SCAI: variants seen among roughly 807,000 people sequenced by gnomAD.
SCAI encodes the protein suppressor of cancer cell invasion, also known as protein SCAI.
A neutral mutation model predicts 92.2 loss-of-function variants in SCAI; 24 were observed. The observed-to-expected ratio is 0.26, with a 90% confidence interval of 0.19 to 0.37. The LOEUF is 0.37. SCAI is among the 10% of genes least tolerant of loss of function. The pLI, the probability that SCAI is intolerant of heterozygous loss-of-function variation, is 1.00. For missense variants in SCAI, 450 were observed against 736.2 expected (o/e 0.61, Z 4.50); for synonymous variants, 261 against 258.6 (o/e 1.01, Z -0.09).
intron 2 of SCAI, among the ~76,000 whole-genome samples, chr9:125,061,713 C>A (rs1833771593): frequency 1.3e-5 from 2 of 152,018 alleles, no homozygotes; most frequent in Admixed American, 6.6e-5. Flanking sequence ...TGAGCTATAA[C>A]AGTGTCACTG....
rs369244868 is a variant in SCAI at position 125,007,868 on chromosome 9, C to T, written c.862-4298G>A. 1.7e-4 allele frequency among the ~76,000 whole-genome samples: 26 copies of T among 151,128 alleles called. No homozygotes were observed. In the South Asian group the frequency reaches 2.9e-3, roughly 17 times the overall value. ...TTTCTTTTTCTTTTTTTTTTTGAGACGGAGTCTCGCTCTGTCGCCCAGGCT... is the reference window on the plus strand; with the variant it reads ...TTTCTTTTTCTTTTTTTTTTTGAGATGGAGTCTCGCTCTGTCGCCCAGGCT... On this transcript the variant is annotated intron_variant, in intron 9 of 17. Transcript: ENST00000336505.
rs193121700 is a variant in SCAI at position 125,065,494 on chromosome 9, T to C, written c.99-9487A>G. 3.9e-5 allele frequency among the ~76,000 whole-genome samples: 6 copies of C among 152,136 alleles called. No homozygotes were observed. In the East Asian group the frequency reaches 1.2e-3, roughly 29 times the overall value. On this transcript the variant is annotated intron_variant, in intron 2 of 17. Transcript: ENST00000336505. ...CCAGGTGGTTTCACTGTCAAATTTATAAAAAACATCTAAAGAAGACAAAAG... is the reference window on the plus strand; with the variant it reads ...CCAGGTGGTTTCACTGTCAAATTTACAAAAAACATCTAAAGAAGACAAAAG...
chr9:124,971,521 G>T, intron 16 of SCAI, 51 bp from the exon 17 acceptor site: 1 of 1,475,280 alleles, frequency 6.8e-7, no homozygotes, highest in Non-Finnish European at 9.4e-7. Context: ...TGGAAATTAT[G>T]TTTCAAAGGG....
In SCAI at chr9:125,108,177, C is replaced by T. The variant is rs146047748; in HGVS notation, c.98+34456G>A. Among the ~76,000 whole-genome samples, 2,637 of 152,250 alleles carry T rather than the reference C, an allele frequency of 0.017. 52 individuals are homozygous for T. In the East Asian group the frequency reaches 0.21, roughly 12 times the overall value. ...GGAGTGCAGTGGCGTGATCTCAGCT[C>T]GCTACAACCTCCACCTCCCAGCCGC... is the stretch of plus-strand genomic sequence containing the variant. On this transcript the variant is annotated intron_variant, in intron 2 of 17. Coordinates refer to ENST00000336505, the MANE Select transcript of SCAI (RefSeq NM_001144877.3).
intron 9 of SCAI, among the ~76,000 whole-genome samples, chr9:125,013,130 G>A (rs202040159): frequency 8.4e-4 from 127 of 151,964 alleles, no homozygotes; most frequent in African/African-American, 2.7e-3. Context: ...CTAGAAAAGC[G>A]AGAGCAAACA....
intron 2 of SCAI, among the ~76,000 whole-genome samples, chr9:125,063,657 C>T (rs1016226248): frequency 5.3e-5 from 8 of 151,204 alleles, no homozygotes; most frequent in Admixed American, 6.6e-5. Context: ...TATTATCAGG[C>T]GACACTGACT....
chr9:125,026,430 T>G (rs1421567693), intron 6 of SCAI, among the ~76,000 whole-genome samples: 2 of 151,918 alleles, frequency 1.3e-5, no homozygotes, highest in East Asian at 3.9e-4. Context: ...AACAGACTAT[T>G]CCCTGGTCCT....
At chr9:125,012,701 T>C (rs943239594) in intron 9 of SCAI, among the ~76,000 whole-genome samples, 6 of 152,078 alleles carry the variant, frequency 3.9e-5, no homozygotes, top group African/African-American at 1.4e-4. Flanking sequence ...TACAGAACTC[T>C]CCACCCCAAA....
intron 2 of SCAI, among the ~76,000 whole-genome samples, chr9:125,062,827 C>T (rs1833796143): frequency 6.6e-6 from 1 of 151,430 alleles, no homozygotes; most frequent in African/African-American, 2.4e-5. Flanking sequence ...CAAGAACAGC[C>T]TGGCCAACAT....
rs908439335 is a variant in SCAI at position 125,108,317 on chromosome 9, TCTGCCCAG to T, written c.98+34308_98+34315del. On this transcript the variant is annotated intron_variant, in intron 2 of 17. Transcript: ENST00000336505. ...CATCATCTGGGATGTGAGGAGCCCC[TCTGCCCAG>T]CTGCCCAGTCTGGGAAGTGAGGAGC... Among the ~76,000 whole-genome samples, 4 of 149,810 alleles carry T rather than the reference TCTGCCCAG, an allele frequency of 2.7e-5. No individual in the cohort carries two copies. The South Asian group carries it at 6.3e-4, about 24-fold the overall frequency.
At chr9:124,968,918 C>T in intron 17 of SCAI, 1 of 418,108 alleles carries the variant, frequency 2.4e-6, no homozygotes, top group Non-Finnish European at 4.2e-6. Context: ...TAGGAAATCT[C>T]CAAAATTTTT....
chr9:125,069,441 C>A (rs1214221112), intron 2 of SCAI, among the ~76,000 whole-genome samples: 1 of 149,780 alleles, frequency 6.7e-6, no homozygotes, highest in East Asian at 2.0e-4. Context: ...CCTCAGCCTC[C>A]CGAGTAGCTG....
At chr9:125,026,310 G>A (rs979573642) in intron 6 of SCAI, among the ~76,000 whole-genome samples, 5 of 151,850 alleles carry the variant, frequency 3.3e-5, no homozygotes, top group African/African-American at 9.7e-5. Context: ...GGAAGTGGAG[G>A]TGGAGGTTGC....
chr9:124,957,235 T>C, intron 17 of SCAI, among the ~76,000 whole-genome samples: 1 of 152,138 alleles, frequency 6.6e-6, no homozygotes, highest in African/African-American at 2.4e-5. Flanking sequence ...TCAAGTGATC[T>C]GCCTGCCTCA....
chr9:125,103,241 T>G (rs779180224), intron 2 of SCAI, among the ~76,000 whole-genome samples: 4 of 152,168 alleles, frequency 2.6e-5, no homozygotes, highest in Non-Finnish European at 5.9e-5. Context: ...TTCACCTCAT[T>G]GATGGCTTTC....
intron 2 of SCAI, among the ~76,000 whole-genome samples, chr9:125,104,101 A>G (rs546024271): frequency 6.6e-6 from 1 of 152,358 alleles, no homozygotes; most frequent in South Asian, 2.1e-4. Context: ...ACAAGTAGAA[A>G]CAAACACTTA....
At position 125,143,414 on chromosome 9, in the gene SCAI, G is replaced by T. The variant is rs1487174738; in HGVS notation, c.24C>A (p.Pro8=). Residue 8 remains proline (P), a synonymous_variant, in exon 1 of 18, where the codon CCC becomes CCA. Coordinates refer to ENST00000336505, the MANE Select transcript of SCAI (RefSeq NM_001144877.3). The stretch of plus-strand genomic sequence containing the variant: ...GGGCCAGGCGACTCCGCGGCTGCTG[G>T]GGCTGCCGGGCTCCTCTGACCATCC... The part of the protein sequence containing the change: MVRGARQ[P]QQPRSRLAPR... The T allele has an allele frequency of 1.4e-6, 2 of 1,399,014 alleles. No homozygotes were observed. The highest frequency in any genetic ancestry group is 1.9e-6 in the Non-Finnish European group (2 of 1,074,956). 86.7% of individuals were successfully genotyped at this position (1,399,014 alleles called of 1,614,324 possible).
chr9:125,059,584 C>T (rs1833734489), intron 2 of SCAI, among the ~76,000 whole-genome samples: 1 of 152,174 alleles, frequency 6.6e-6, no homozygotes, highest in South Asian at 2.1e-4. Flanking sequence ...TGAACATGCA[C>T]TGAAACCAGC....
intron 9 of SCAI, among the ~76,000 whole-genome samples, chr9:125,006,269 A>G (rs1387464587): frequency 1.3e-5 from 2 of 152,194 alleles, no homozygotes; most frequent in African/African-American, 4.8e-5. Context: ...TAATCCCAGC[A>G]CTTTGGAGGG....
Sources: gnomAD v4.1 joint callset for allele counts (sites outside exome capture counted in the v4.1 genomes callset) on GRCh38, gnomAD v4.1.1 for gene constraint, MANE v1.5 for transcripts, NCBI Gene and HGNC (gene_info 2026-07-23, HGNC 2026-07-21) for gene names.